The following NLGN1 variants were observed in gnomAD, a reference collection of about 807,000 sequenced individuals.
NLGN1 encodes neuroligin-1.
A neutral mutation model predicts 65.5 loss-of-function variants in NLGN1; 12 were observed. The ratio of observed to expected loss-of-function variants is 0.18; its 90% CI spans 0.12 to 0.30. NLGN1 has a LOEUF of 0.30. NLGN1 is among the 10% of genes least tolerant of loss of function. The pLI is 1.00. For missense variants in NLGN1, 750 were observed against 1,007.1 expected, an observed-to-expected ratio of 0.74 and a Z score of 3.46; for synonymous variants, 350 against 359.5, an observed-to-expected ratio of 0.97 and a Z score of 0.30.
chr3:173,600,857 T>C (rs1750415352), intron 2 of NLGN1, among the ~76,000 whole-genome samples: 1 of 151,764 alleles, frequency 6.6e-6, no homozygotes, highest in Admixed American at 6.6e-5. Context: ...GTTTGTTGAG[T>C]GAATGAAAGA....
exon 6 of NLGN1, chr3:174,278,959 G>A (rs772156511): frequency 1.3e-6 from 2 of 1,546,264 alleles, no homozygotes; most frequent in Non-Finnish European, 1.7e-6. Context: ...GGCCACAAAA[G>A]TTGGTTGCAA....
chr3:173,728,735 C>T (rs1244168863), intron 3 of NLGN1, among the ~76,000 whole-genome samples: 2 of 151,974 alleles, frequency 1.3e-5, no homozygotes, highest in African/African-American at 2.4e-5. Context: ...TTAAATGAGG[C>T]AGCTATAAGT....
intron 4 of NLGN1, among the ~76,000 whole-genome samples, chr3:173,876,787 T>C (rs920273665): frequency 1.1e-4 from 16 of 152,274 alleles, no homozygotes; most frequent in Admixed American, 5.9e-4. Flanking sequence ...TAGAAAATTT[T>C]GGATTAAACT....
At chr3:174,011,169 A>G (rs1239840029) in intron 4 of NLGN1, among the ~76,000 whole-genome samples, 1 of 152,194 alleles carries the variant, frequency 6.6e-6, no homozygotes, top group African/African-American at 2.4e-5. Flanking sequence ...CTGTGGTCAA[A>G]TGCATTCATC....
chr3:174,289,901 A>G, downstream of NLGN1, among the ~76,000 whole-genome samples: 1 of 145,788 alleles, frequency 6.9e-6, no homozygotes, highest in East Asian at 2.0e-4. Context: ...GGCACTTTAT[A>G]TATATATATG....
intron 2 of NLGN1, among the ~76,000 whole-genome samples, chr3:173,538,815 T>C (rs1737891981): frequency 6.6e-6 from 1 of 151,958 alleles, no homozygotes; most frequent in African/African-American, 2.4e-5. Flanking sequence ...ATTATTAAAA[T>C]ATTCCTCTGC....
chr3:174,163,915 G>T, intron 4 of NLGN1, among the ~76,000 whole-genome samples: 1 of 151,944 alleles, frequency 6.6e-6, no homozygotes, highest in East Asian at 1.9e-4. Context: ...GTGTCTTTTT[G>T]GTAGAATGAT....
At chr3:173,887,284 A>G (rs1333464370) in intron 4 of NLGN1, among the ~76,000 whole-genome samples, 1 of 152,024 alleles carries the variant, frequency 6.6e-6, no homozygotes, top group Admixed American at 6.6e-5. Flanking sequence ...TTGGATCACA[A>G]TGATTCTGGA....
chr3:173,472,073 G>C (rs772197194), intron 2 of NLGN1, among the ~76,000 whole-genome samples: 18 of 152,054 alleles, frequency 1.2e-4, no homozygotes, highest in Non-Finnish European at 2.5e-4. Context: ...AGCATTTAGG[G>C]ACTTGGGGAA....
intron 4 of NLGN1, among the ~76,000 whole-genome samples, chr3:173,902,894 G>A (rs551125521): frequency 1.3e-5 from 2 of 152,202 alleles, no homozygotes; most frequent in East Asian, 1.9e-4. Flanking sequence ...GCATCAAAGC[G>A]AGGCTTAGTA....
intron 1 of NLGN1, among the ~76,000 whole-genome samples, chr3:173,408,167 T>C (rs753916586): frequency 6.6e-6 from 1 of 152,130 alleles, no homozygotes; most frequent in Non-Finnish European, 1.5e-5. Flanking sequence ...CAAGCACTCT[T>C]TCCATAAGAA....
intron 4 of NLGN1, among the ~76,000 whole-genome samples, chr3:174,241,832 G>C (rs113826899): frequency 6.6e-6 from 1 of 151,866 alleles, no homozygotes; most frequent in Non-Finnish European, 1.5e-5. Flanking sequence ...ATAATTTTTT[G>C]TATTTTTAGT....
intron 4 of NLGN1, among the ~76,000 whole-genome samples, chr3:174,130,497 A>G (rs919939776): frequency 3.9e-5 from 6 of 152,184 alleles, no homozygotes; most frequent in African/African-American, 1.4e-4. Context: ...TCGAGAATCT[A>G]AATGGGCTGG....
chr3:174,128,974 G>A (rs1010894183), intron 4 of NLGN1, among the ~76,000 whole-genome samples: 12 of 152,100 alleles, frequency 7.9e-5, no homozygotes, highest in African/African-American at 2.2e-4. Flanking sequence ...TTGTCCTGTG[G>A]AGAGCAGAAC....
intron 3 of NLGN1, among the ~76,000 whole-genome samples, chr3:173,782,340 C>T (rs140423788): frequency 9.2e-5 from 14 of 152,022 alleles, no homozygotes; most frequent in East Asian, 1.9e-4. Context: ...GCATTAAAGG[C>T]GCGGGTAATG....
intron 4 of NLGN1, among the ~76,000 whole-genome samples, chr3:173,821,342 A>G (rs1720253208): frequency 6.6e-6 from 1 of 152,160 alleles, no homozygotes; most frequent in Non-Finnish European, 1.5e-5. Context: ...GTTATTAAAA[A>G]CATTCTTTGT....
At chr3:174,037,576 C>G (rs953805640) in intron 4 of NLGN1, among the ~76,000 whole-genome samples, 1 of 152,126 alleles carries the variant, frequency 6.6e-6, no homozygotes, top group Non-Finnish European at 1.5e-5. Context: ...ATAGTGCCAT[C>G]ACACAAAGTA....
chr3:173,449,313 A>T (rs6794468), intron 2 of NLGN1, among the ~76,000 whole-genome samples: 1 of 151,952 alleles, frequency 6.6e-6, no homozygotes, highest in African/African-American at 2.4e-5. Flanking sequence ...CCTTCATTTC[A>T]TTATGTACGC....
At chr3:174,250,006 G>A (rs1444306803) in intron 4 of NLGN1, among the ~76,000 whole-genome samples, 3 of 152,166 alleles carry the variant, frequency 2.0e-5, no homozygotes, top group Non-Finnish European at 4.4e-5. Flanking sequence ...GAGATACTGA[G>A]AAGAGTAGGA....
Sources: allele counts gnomAD v4.1 joint callset (sites outside exome capture counted in the v4.1 genomes callset), GRCh38; gene constraint gnomAD v4.1.1; transcripts MANE v1.5; gene names NCBI Gene and HGNC (gene_info 2026-07-23, HGNC 2026-07-21).